The following MAP2 variants were observed in gnomAD, a reference collection of about 807,000 sequenced individuals.
MAP2 encodes microtubule-associated protein 2.
In MAP2, 14 loss-of-function variants were observed where a neutral mutation model predicts 137.6. The ratio of observed to expected loss-of-function variants is 0.10; its 90% CI spans 0.07 to 0.16. The LOEUF is 0.16. Among genes scored for constraint, MAP2 ranks in the 10% least tolerant of loss-of-function variants. The pLI is 1.00. For missense variants in MAP2, 2,088 were observed against 2,191.5 expected (o/e 0.95, Z 0.94); for synonymous variants, 786 against 782.3 (o/e 1.00, Z -0.08).
rs1350222908 is a variant in MAP2 at position 209,732,095 on chromosome 2, C to G, written c.*1698C>G. ...AATTTTATCTGTTCTTTTTCTTGCT[C>G]AGGGCTGGTAGGTTGGATCTGAACC... On this transcript the variant is annotated 3_prime_UTR_variant, in exon 16 of 16. Coordinates refer to ENST00000682079, the MANE Select transcript of MAP2 (RefSeq NM_001375505.1). 1 of 152,206 alleles carries G rather than the reference C, an allele frequency of 6.6e-6. No homozygotes were observed. Among genetic ancestry groups the G allele is most frequent in the South Asian group, 2.1e-4 (1 of 4,836 alleles). 9.4% of individuals were successfully genotyped at this position (152,206 alleles called of 1,614,324 possible). A position where few individuals can be genotyped will look rare whatever the true frequency, so the allele number is the denominator to read the frequency against.
At chr2:209,704,366 A>G in intron 11 of MAP2, 1 of 1,202,722 alleles carries the variant, frequency 8.3e-7, no homozygotes, top group Non-Finnish European at 1.2e-6. Flanking sequence ...TGAGTTTCTT[A>G]TATGTTTATA....
At chr2:209,481,907 T>C (rs1387890904) in intron 1 of MAP2, among the ~76,000 whole-genome samples, 1 of 152,240 alleles carries the variant, frequency 6.6e-6, no homozygotes, top group Non-Finnish European at 1.5e-5. Flanking sequence ...TCTGTTCATA[T>C]AGAGTTGATG....
At chr2:209,542,153 A>G (rs553107596) in intron 2 of MAP2, among the ~76,000 whole-genome samples, 1 of 152,336 alleles carries the variant, frequency 6.6e-6, no homozygotes, top group Admixed American at 6.5e-5. Flanking sequence ...GCCAACATCA[A>G]TCTCCTTGTA....
chr2:209,629,178 T>C (rs924853880), intron 4 of MAP2, among the ~76,000 whole-genome samples: 9 of 152,222 alleles, frequency 5.9e-5, no homozygotes, highest in Non-Finnish European at 2.9e-5. Context: ...AAAATATTTA[T>C]TATTCCTTGC....
chr2:209,540,365 C>T (rs1033123323), intron 2 of MAP2, among the ~76,000 whole-genome samples: 7 of 151,304 alleles, frequency 4.6e-5, no homozygotes, highest in African/African-American at 1.5e-4. Flanking sequence ...CGGGCGCGGT[C>T]GCTCACACCT....
intron 1 of MAP2, among the ~76,000 whole-genome samples, chr2:209,445,922 A>G (rs940003949): frequency 2.0e-5 from 3 of 151,674 alleles, no homozygotes; most frequent in African/African-American, 7.3e-5. Flanking sequence ...TTGACAATCA[A>G]AACCTAAGTA....
chr2:209,655,946 AT>A (rs1465174246), intron 5 of MAP2, among the ~76,000 whole-genome samples: 3 of 152,150 alleles, frequency 2.0e-5, no homozygotes. Flanking sequence ...TTAAAATAAT[AT>A]TTTCTCCAAG....
intron 7 of MAP2, among the ~76,000 whole-genome samples, chr2:209,692,334 G>C (rs1368331489): frequency 1.7e-5 from 1 of 57,760 alleles, no homozygotes. Context: ...GTTTAGGAGA[G>C]ACCAAAAAAA....
chr2:209,534,870 A>G (rs1363992040), intron 2 of MAP2, among the ~76,000 whole-genome samples: 1 of 152,206 alleles, frequency 6.6e-6, no homozygotes, highest in Non-Finnish European at 1.5e-5. Flanking sequence ...CATCATCCCA[A>G]AAATGGAATA....
At chr2:209,668,728 A>C (rs773183321) in intron 5 of MAP2, among the ~76,000 whole-genome samples, 1 of 152,030 alleles carries the variant, frequency 6.6e-6, no homozygotes, top group African/African-American at 2.4e-5. Flanking sequence ...ACTATCATCA[A>C]TTTTACATAT....
In MAP2 at chr2:209,424,082, GGCAGCA is replaced by G. The variant is rs565672185; in HGVS notation, c.-397_-392del. 3 of 160,476 alleles carry G rather than the reference GGCAGCA, an allele frequency of 1.9e-5. No individual in the cohort carries two copies. Among genetic ancestry groups the G allele is most frequent in the Non-Finnish European group, 4.0e-5 (3 of 74,274 alleles). The allele number at this position is 160,476 out of a possible 1,614,324, so 9.9% of individuals were successfully genotyped here. A position where few individuals can be genotyped will look rare whatever the true frequency, so the allele number is the denominator to read the frequency against. On this transcript the variant is annotated 5_prime_UTR_variant, in exon 1 of 16. Coordinates refer to ENST00000682079, the MANE Select transcript of MAP2 (RefSeq NM_001375505.1). ...GGGCGCTCGGGCTGCGCGGGCTCTG[GGCAGCA>G]GCAGCAGCAGCAGCAGCATCCTCTC...
chr2:209,425,500 G>A (rs1692317650), intron 1 of MAP2, among the ~76,000 whole-genome samples: 1 of 152,112 alleles, frequency 6.6e-6, no homozygotes, highest in Admixed American at 6.5e-5. Context: ...AATATTGTTG[G>A]GTGGTATATA....
chr2:209,585,404 A>C (rs1326526793), intron 3 of MAP2, among the ~76,000 whole-genome samples: 2 of 152,170 alleles, frequency 1.3e-5, no homozygotes, highest in African/African-American at 4.8e-5. Flanking sequence ...TTATAAAAAC[A>C]ATAAATCCAC....
intron 1 of MAP2, among the ~76,000 whole-genome samples, chr2:209,476,691 CA>C (rs1455666495): frequency 6.6e-6 from 1 of 152,166 alleles, no homozygotes; most frequent in Non-Finnish European, 1.5e-5. Context: ...ACAGGGTGCA[CA>C]TTCAGGCCTT....
At chr2:209,467,586 C>T (rs1011139400) in intron 1 of MAP2, among the ~76,000 whole-genome samples, 5 of 152,078 alleles carry the variant, frequency 3.3e-5, no homozygotes, top group African/African-American at 1.2e-4. Context: ...TCTGTATTAC[C>T]ATTTTGATTC....
intron 14 of MAP2, among the ~76,000 whole-genome samples, chr2:209,728,856 T>G (rs2268046): frequency 0.12 from 18,077 of 152,134 alleles, 1,353 homozygotes; most frequent in East Asian, 0.22. Flanking sequence ...CGTTACCGCT[T>G]CTTTCCAGAA....
chr2:209,511,937 A>G (rs2061777949), intron 2 of MAP2, among the ~76,000 whole-genome samples: 1 of 152,070 alleles, frequency 6.6e-6, no homozygotes, highest in Admixed American at 6.6e-5. Context: ...ATTTTGATCC[A>G]GTGCTCCAGA....
chr2:209,704,084 A>G (rs2062610560), intron 11 of MAP2: 2 of 452,440 alleles, frequency 4.4e-6, no homozygotes, highest in East Asian at 6.9e-5. Flanking sequence ...ATAGTTCCCA[A>G]TAGGAACTTC....
chr2:209,697,737 A>G (rs2060591237), intron 10 of MAP2, among the ~76,000 whole-genome samples: 1 of 152,202 alleles, frequency 6.6e-6, no homozygotes, highest in Non-Finnish European at 1.5e-5. Context: ...TTGGATCCAA[A>G]CTGCTCGACT....
Sources: gnomAD v4.1 joint callset for allele counts (sites outside exome capture counted in the v4.1 genomes callset) on GRCh38, gnomAD v4.1.1 for gene constraint, MANE v1.5 for transcripts, NCBI Gene and HGNC (gene_info 2026-07-23, HGNC 2026-07-21) for gene names.